The following TPCN1 variants were observed in gnomAD, a reference collection of about 807,000 sequenced individuals.
TPCN1 encodes two pore segment channel 1.
TPCN1 carries 52 observed loss-of-function variants against 108.8 expected under a neutral mutation model. The observed-to-expected ratio is 0.48, with a 90% confidence interval of 0.38 to 0.60. The LOEUF is 0.60. Among genes scored for constraint, TPCN1 ranks in the 20% least tolerant of loss-of-function variants. The probability of loss-of-function intolerance (pLI) is 0.00; values close to 1 mark genes in which losing one functional copy is unlikely to be tolerated. For missense variants in TPCN1, 806 were observed against 1,072.8 expected, an observed-to-expected ratio of 0.75 and a Z score of 3.47; for synonymous variants, 446 against 433.7, an observed-to-expected ratio of 1.03 and a Z score of -0.35.
chr12:113,261,355 A>G (rs1955023032), intron 3 of TPCN1, among the ~76,000 whole-genome samples: 1 of 151,884 alleles, frequency 6.6e-6, no homozygotes, highest in African/African-American at 2.4e-5. Context: ...CTGTTTTCCA[A>G]AAAAGTCATA....
At chr12:113,279,382 TATATATATA>T (rs1199676302) in intron 14 of TPCN1, among the ~76,000 whole-genome samples, 26 of 36,566 alleles carry the variant, frequency 7.1e-4, no homozygotes, top group African/African-American at 2.9e-3. Flanking sequence ...TATATATATA[TATATATATA>T]TTTTTTTTTT....
intron 2 of TPCN1, among the ~76,000 whole-genome samples, chr12:113,257,944 T>C (rs756996805): frequency 6.6e-6 from 1 of 152,066 alleles, no homozygotes; most frequent in African/African-American, 2.4e-5. Context: ...ATCATGTAAA[T>C]ATATATATTA....
intron 2 of TPCN1, among the ~76,000 whole-genome samples, chr12:113,233,368 C>T (rs964588178): frequency 2.6e-5 from 4 of 152,236 alleles, no homozygotes; most frequent in Admixed American, 2.0e-4. Flanking sequence ...CTCAGCTTCC[C>T]CATCGGGGAG....
chr12:113,271,320 C>T (rs1955490775), intron 7 of TPCN1, among the ~76,000 whole-genome samples: 1 of 152,114 alleles, frequency 6.6e-6, no homozygotes, highest in African/African-American at 2.4e-5. Flanking sequence ...ATGGACCTAC[C>T]ATCCAGCTTA....
At chr12:113,264,339 TCA>T (rs1257228653) in intron 3 of TPCN1, among the ~76,000 whole-genome samples, 2 of 152,212 alleles carry the variant, frequency 1.3e-5, no homozygotes, top group African/African-American at 4.8e-5. Context: ...AGTGACTCAC[TCA>T]CAGTCACTCT....
intron 15 of TPCN1, among the ~76,000 whole-genome samples, chr12:113,282,706 A>G (rs980749405): frequency 2.7e-5 from 4 of 149,686 alleles, no homozygotes; most frequent in African/African-American, 9.9e-5. Flanking sequence ...GCAGTGTGCC[A>G]TGATCGCGCC....
At chr12:113,241,761 CGTGTGTGTGTGTGTGTGTGTGTGTGT>C (rs67580212) in intron 2 of TPCN1, among the ~76,000 whole-genome samples, 156 of 144,476 alleles carry the variant, frequency 1.1e-3, no homozygotes, top group African/African-American at 3.7e-3. Flanking sequence ...CGTGCCTCTG[CGTGTGTGTGTGTGTGTGTGTGTGTGT>C]GTGTGTGCGT....
chr12:113,267,867 G>T lies in TPCN1; in HGVS notation c.439G>T (p.Ala147Ser). The T allele has an allele frequency of 6.2e-7, 1 of 1,614,010 alleles. No individual in the cohort carries two copies. The highest frequency in any genetic ancestry group is 8.5e-7 in the Non-Finnish European group (1 of 1,179,918). The stretch of plus-strand genomic sequence containing the variant: ...GGTCCACGCCACCCTGGAGCTGTTT[G>T]CCCTGATGGTGGTAGTGTTTGAACT... Reference protein sequence around the residue: ...IYVHATLELFALMVVVFELCM... With the variant: ...IYVHATLELFSLMVVVFELCM... Residue 147 changes from alanine to serine, a missense_variant, in exon 5 of 28, where the codon GCC becomes TCC. Physicochemically the swap from Ala to Ser is moderately conservative, Grantham distance 99. Transcript: ENST00000335509.
chr12:113,225,466 T>G (rs1410868707), intron 1 of TPCN1: 3 of 260,308 alleles, frequency 1.2e-5, no homozygotes, highest in African/African-American at 6.9e-5. Context: ...TACCCTTAAC[T>G]TTTCAGTATT....
intron 3 of TPCN1, among the ~76,000 whole-genome samples, chr12:113,264,101 G>A (rs937599414): frequency 2.6e-5 from 4 of 151,954 alleles, no homozygotes; most frequent in African/African-American, 9.7e-5. Flanking sequence ...GAAACCAGAA[G>A]CTCCCCAGGC....
At chr12:113,258,380 C>G (rs1382306977) in intron 2 of TPCN1, among the ~76,000 whole-genome samples, 2 of 152,116 alleles carry the variant, frequency 1.3e-5, no homozygotes, top group African/African-American at 4.8e-5. Flanking sequence ...GTGGGAGAAT[C>G]ACTTGAACCT....
chr12:113,248,550 G>A (rs2136514711), intron 2 of TPCN1, among the ~76,000 whole-genome samples: 1 of 152,364 alleles, frequency 6.6e-6, no homozygotes, highest in East Asian at 1.9e-4. Context: ...AATGTTTGTG[G>A]AAACTGGAAG....
chr12:113,243,259 A>G (rs1026733315), intron 2 of TPCN1, among the ~76,000 whole-genome samples: 12 of 152,034 alleles, frequency 7.9e-5, no homozygotes, highest in African/African-American at 2.4e-4. Flanking sequence ...ATTCCCAGCT[A>G]TTTGGGAGAC....
At chr12:113,224,734 C>CATTTA (rs1181180250) in intron 1 of TPCN1, among the ~76,000 whole-genome samples, 5 of 151,566 alleles carry the variant, frequency 3.3e-5, no homozygotes, top group African/African-American at 1.2e-4. Context: ...ATTTTTTTGT[C>CATTTA]ATTTAATTTA....
At chr12:113,257,360 G>A (rs536663967) in intron 2 of TPCN1, among the ~76,000 whole-genome samples, 2 of 152,186 alleles carry the variant, frequency 1.3e-5, no homozygotes, top group Non-Finnish European at 2.9e-5. Context: ...GCATGGTGGT[G>A]CGTGCCTGTA....
intron 18 of TPCN1, 138 bp downstream of exon 18, chr12:113,286,099 C>A: frequency 1.3e-6 from 1 of 746,480 alleles, no homozygotes. Context: ...CCTATGTCTC[C>A]CTCAAGCAGC....
intron 2 of TPCN1, among the ~76,000 whole-genome samples, chr12:113,233,233 C>G (rs1421155527): frequency 6.6e-6 from 1 of 152,198 alleles, no homozygotes; most frequent in Non-Finnish European, 1.5e-5. Flanking sequence ...CGCTGCCGCT[C>G]TAAATGGCAG....
chr12:113,288,860 C>G lies in TPCN1; in HGVS notation c.1796+13C>G. 3 of 1,612,872 alleles carry G rather than the reference C, an allele frequency of 1.9e-6. No individual in the cohort carries two copies. The highest frequency in any genetic ancestry group is 2.5e-6 in the Non-Finnish European group (3 of 1,179,752). The stretch of plus-strand genomic sequence containing the variant: ...CCAACTGCTGCAAGTGAGTAGGCCC[C>G]ACCCAGCCCCAGGCAGCCTGCATTT... On this transcript the variant is annotated intron_variant, in intron 21 of 27. Transcript: ENST00000335509. This position sits in a 1 kb window ranked among gnomAD's most constrained non-coding sequence, Gnocchi z 4.8.
intron 2 of TPCN1, among the ~76,000 whole-genome samples, chr12:113,248,391 G>A (rs1383000680): frequency 6.6e-6 from 1 of 152,228 alleles, no homozygotes; most frequent in Admixed American, 6.5e-5. Flanking sequence ...TGCCCTCTTG[G>A]AGCTGACATT....
Sources: gnomAD v4.1 joint callset for allele counts (sites outside exome capture counted in the v4.1 genomes callset) on GRCh38, gnomAD v4.1.1 for gene constraint, Gnocchi (gnomAD v3.1) non-coding constraint, MANE v1.5 for transcripts, NCBI Gene and HGNC (gene_info 2026-07-23, HGNC 2026-07-21) for gene names.